SRD5A1: variants seen among roughly 807,000 people sequenced by gnomAD.
SRD5A1 encodes the protein 3-oxo-5-alpha-steroid 4-dehydrogenase 1.
SRD5A1 carries 22 observed loss-of-function variants against 28.2 expected under a neutral mutation model. That is an observed-to-expected ratio of 0.78 (90% CI 0.56 to 1.12). The LOEUF (loss-of-function observed/expected upper bound fraction) is 1.12, where lower values mean the gene tolerates loss of function less well. Among genes scored for constraint, SRD5A1 ranks in the 50% most tolerant of loss-of-function variants. SRD5A1 has a pLI of 0.00. For synonymous variants in SRD5A1, 151 were observed against 135.0 expected, an observed-to-expected ratio of 1.12 and a Z score of -0.82; for missense variants, 300 against 346.7, an observed-to-expected ratio of 0.87 and a Z score of 1.07.
chr5:6,647,157 C>T (rs1298339029), intron 1 of SRD5A1, among the ~76,000 whole-genome samples: 1 of 152,106 alleles, frequency 6.6e-6, no homozygotes, highest in African/African-American at 2.4e-5. Context: ...GTTATGATTT[C>T]CATTCTTTTG....
chr5:6,652,364 T>G (rs565582122), intron 2 of SRD5A1, among the ~76,000 whole-genome samples: 2 of 152,324 alleles, frequency 1.3e-5, no homozygotes, highest in African/African-American at 4.8e-5. Context: ...TTCCATGACA[T>G]GAGGAAAACC....
chr5:6,656,981 TA>T (rs1290449227), intron 3 of SRD5A1, among the ~76,000 whole-genome samples: 1 of 152,166 alleles, frequency 6.6e-6, no homozygotes, highest in Non-Finnish European at 1.5e-5. Context: ...AAATGCTTTT[TA>T]AAAGGAGTAG....
chr5:6,663,617 T>TG lies in SRD5A1; in HGVS notation c.713+654dup, dbSNP rs201567812. Among the ~76,000 whole-genome samples the TG allele has an allele frequency of 6.3e-3, 961 of 152,298 alleles. 8 individuals carry two copies. Among genetic ancestry groups the TG allele is most frequent in the African/African-American group, 0.022 (922 of 41,550 alleles). ...GCTCATGCCTGTAATCCCAGCACTT[T>TG]GGGAGGCCAAGGCCGGTGGATCACT... On this transcript the variant is annotated intron_variant, in intron 4 of 4. Coordinates refer to ENST00000274192, the MANE Select transcript of SRD5A1 (RefSeq NM_001047.4).
rs371867584 is a variant in SRD5A1 at position 6,643,665 on chromosome 5, C to G, written c.294-8177C>G. ...TCTAGCAAGTGTTCTCCCCAAAAGGCTAATTGTGAGAAACAAGTGTGTATT... is the reference window on the plus strand; with the variant it reads ...TCTAGCAAGTGTTCTCCCCAAAAGGGTAATTGTGAGAAACAAGTGTGTATT... On this transcript the variant is annotated intron_variant, in intron 1 of 4. Transcript: ENST00000274192. 7.2e-5 allele frequency among the ~76,000 whole-genome samples: 11 copies of G among 152,304 alleles called. No homozygotes were observed. The East Asian group carries it at 1.4e-3, about 19-fold the overall frequency.
intron 1 of SRD5A1, among the ~76,000 whole-genome samples, chr5:6,647,183 G>A (rs1190785756): frequency 6.6e-6 from 1 of 152,150 alleles, no homozygotes; most frequent in Non-Finnish European, 1.5e-5. Context: ...GTTGAGGAGT[G>A]TTTTACTTCC....
At chr5:6,640,767 CAG>C (rs1390452479) in intron 1 of SRD5A1, among the ~76,000 whole-genome samples, 1 of 152,218 alleles carries the variant, frequency 6.6e-6, no homozygotes, top group Non-Finnish European at 1.5e-5. Context: ...AATCAGCAAA[CAG>C]AATCTCTGTG....
In SRD5A1 at chr5:6,670,646, G is replaced by A. The variant is rs1225885775; in HGVS notation, c.*2378G>A. On this transcript the variant is annotated 3_prime_UTR_variant, in exon 5 of 5. Coordinates refer to ENST00000274192, the MANE Select transcript of SRD5A1 (RefSeq NM_001047.4). Reference sequence around the variant, plus strand: ...AGAAAAAACAGTCCTGGCCCAGGTGGAGTGACAGGTAAGAAACAAGTAAGT... The same window carrying A: ...AGAAAAAACAGTCCTGGCCCAGGTGAAGTGACAGGTAAGAAACAAGTAAGT... 1 of 152,216 alleles carries A rather than the reference G, an allele frequency of 6.6e-6. No homozygotes were observed. The highest frequency in any genetic ancestry group is 1.9e-4 in the East Asian group (1 of 5,202). The allele number at this position is 152,216 out of a possible 1,614,324, so 9.4% of individuals were successfully genotyped here. A position where few individuals can be genotyped will look rare whatever the true frequency, so the allele number is the denominator to read the frequency against.
rs1739417377 is a variant in SRD5A1, at chr5:6,673,347, C to G, written c.*5079C>G. 6.6e-6 allele frequency: 1 copy of G among 152,202 alleles called. No homozygotes were observed. Among genetic ancestry groups the G allele is most frequent in the African/African-American group, 2.4e-5 (1 of 41,442 alleles). The allele number at this position is 152,202 out of a possible 1,614,324, so 9.4% of individuals were successfully genotyped here. ...AAGCATATGATAACATGCTCAGCATCATATGACATTAGGGGATTGCAAATT... is the reference window on the plus strand; with the variant it reads ...AAGCATATGATAACATGCTCAGCATGATATGACATTAGGGGATTGCAAATT... On this transcript the variant is annotated 3_prime_UTR_variant, in exon 5 of 5. Coordinates refer to ENST00000274192, the MANE Select transcript of SRD5A1 (RefSeq NM_001047.4).
chr5:6,667,661 T>C (rs1253804790), intron 4 of SRD5A1, among the ~76,000 whole-genome samples: 1 of 152,232 alleles, frequency 6.6e-6, no homozygotes, highest in Non-Finnish European at 1.5e-5. Context: ...AATGTTTGTT[T>C]CGAGCACAAG....
rs1042150 is a variant in SRD5A1, at chr5:6,668,802, G to A, written c.*534G>A. The A allele has an allele frequency of 0.043, 6,563 of 152,590 alleles. 292 individuals carry two copies. The highest frequency in any genetic ancestry group is 0.11 in the African/African-American group (4,680 of 41,550). The allele number at this position is 152,590 out of a possible 1,614,324, so 9.5% of individuals were successfully genotyped here. A position where few individuals can be genotyped will look rare whatever the true frequency, so the allele number is the denominator to read the frequency against. On this transcript the variant is annotated 3_prime_UTR_variant, in exon 5 of 5. Transcript: ENST00000274192. ...CCAACCTTCGTGTCAGGTGCTGTGT[G>A]TAAGTGGAGAACTTGGGGATAGAGG...
chr5:6,667,556 T>G (rs955549680), intron 4 of SRD5A1, among the ~76,000 whole-genome samples: 1 of 152,254 alleles, frequency 6.6e-6, no homozygotes, highest in Non-Finnish European at 1.5e-5. Context: ...TAATTTTTAC[T>G]CCATGCACTT....
At position 6,633,834 on chromosome 5, in the gene SRD5A1, C is replaced by G. The variant is rs1336044374; in HGVS notation, c.258C>G (p.Ile86Met). ...APRLRSAPNCILLAMFLVHYG... is the reference protein window; with the variant it reads ...APRLRSAPNCMLLAMFLVHYG... ...GTCTCCGCAGCGCGCCCAACTGCATCCTCCTGGCCATGTTCCTCGTCCACT... is the reference window on the plus strand; with the variant it reads ...GTCTCCGCAGCGCGCCCAACTGCATGCTCCTGGCCATGTTCCTCGTCCACT... The change falls in exon 1 of 5, where the codon ATC (isoleucine) becomes ATG (methionine). Residue 86 changes from isoleucine (I) to methionine (M), a missense_variant. Coordinates refer to ENST00000274192, the MANE Select transcript of SRD5A1 (RefSeq NM_001047.4). 1 of 1,597,602 alleles carries G rather than the reference C, an allele frequency of 6.3e-7. No individual in the cohort carries two copies.
At position 6,673,036 on chromosome 5, in the gene SRD5A1, A is replaced by G. The variant is rs1469284249; in HGVS notation, c.*4768A>G. 3.9e-5 allele frequency: 6 copies of G among 152,238 alleles called. No homozygotes were observed. The highest frequency in any genetic ancestry group is 1.2e-4 in the African/African-American group (5 of 41,458). The allele number at this position is 152,238 out of a possible 1,614,324, so 9.4% of individuals were successfully genotyped here. On this transcript the variant is annotated 3_prime_UTR_variant, in exon 5 of 5. Transcript: ENST00000274192. ...AAATCTGCTCTCAAAGGCTTCACGTAGCCGGGAAAACTCCGTTCCCAATTC... is the reference window on the plus strand; with the variant it reads ...AAATCTGCTCTCAAAGGCTTCACGTGGCCGGGAAAACTCCGTTCCCAATTC...
At position 6,633,705 on chromosome 5, in the gene SRD5A1, G is replaced by A. The variant is rs765015938; in HGVS notation, c.129G>A (p.Leu43=). Residue 43 remains leucine (L), a synonymous_variant, in exon 1 of 5, where the codon CTG becomes CTA. Transcript: ENST00000274192. The part of the protein sequence containing the change: ...QTNSVYGRHA[L]PSHRLRVPAR... Reference sequence around the variant, plus strand: ...ACTCAGTGTACGGCCGCCACGCGCTGCCCAGCCACAGGCTCCGAGTGCCGG... The same window carrying A: ...ACTCAGTGTACGGCCGCCACGCGCTACCCAGCCACAGGCTCCGAGTGCCGG... 3 of 1,590,808 alleles carry A rather than the reference G, an allele frequency of 1.9e-6. No individual in the cohort carries two copies. In the African/African-American group the frequency reaches 4.0e-5, roughly 21 times the overall value.
intron 3 of SRD5A1, 35 bp from the exon 4 acceptor site, chr5:6,662,781 G>A (rs1189959730): frequency 1.3e-6 from 2 of 1,597,550 alleles, no homozygotes; most frequent in South Asian, 1.1e-5. Context: ...TCATTTTGTA[G>A]TAAATGCACT....
At position 6,651,830 on chromosome 5, in the gene SRD5A1, T is replaced by G; in HGVS notation, c.294-12T>G. The G allele has an allele frequency of 1.9e-6, 3 of 1,578,534 alleles. No homozygotes were observed. The highest frequency in any genetic ancestry group is 2.6e-6 in the Non-Finnish European group (3 of 1,160,566). On this transcript the variant is annotated splice_polypyrimidine_tract_variant and intron_variant, in intron 1 of 4. Transcript: ENST00000274192. Reference sequence around the variant, plus strand: ...TTTTTTAAAAAATTGTGCCTGTTTCTTGTTTCCTAAGGTGCTTAATTTACC... The same window carrying G: ...TTTTTTAAAAAATTGTGCCTGTTTCGTGTTTCCTAAGGTGCTTAATTTACC...
chr5:6,636,759 C>T (rs1452878461), intron 1 of SRD5A1, among the ~76,000 whole-genome samples: 2 of 152,188 alleles, frequency 1.3e-5, no homozygotes, highest in East Asian at 1.9e-4. Context: ...TTAAGGAAGA[C>T]TTACGTGCCA....
intron 1 of SRD5A1, among the ~76,000 whole-genome samples, chr5:6,646,847 T>C (rs989154616): frequency 6.6e-6 from 1 of 152,236 alleles, no homozygotes; most frequent in Non-Finnish European, 1.5e-5. Flanking sequence ...CTTGCTTCTC[T>C]AGTTCTTTTA....
In SRD5A1 at chr5:6,656,063, AT is replaced by A. The variant is rs779966553; in HGVS notation, c.461-8del. 5 of 1,608,650 alleles carry A rather than the reference AT, an allele frequency of 3.1e-6. No homozygotes were observed. Among genetic ancestry groups the A allele is most frequent in the South Asian group, 1.1e-5 (1 of 90,952 alleles). ...GTTTATTAGCCATAATCATCTTGCA[AT>A]TTTTTTCCTTTAGGTTTTGGCTTGT... On this transcript the variant is annotated splice_polypyrimidine_tract_variant and intron_variant, in intron 2 of 4. Coordinates refer to ENST00000274192, the MANE Select transcript of SRD5A1 (RefSeq NM_001047.4).
Sources: gnomAD v4.1 joint callset for allele counts (sites outside exome capture counted in the v4.1 genomes callset) on GRCh38, gnomAD v4.1.1 for gene constraint, MANE v1.5 for transcripts, NCBI Gene and HGNC (gene_info 2026-07-23, HGNC 2026-07-21) for gene names.